Variants in MRPS24 observed in about 807,000 individuals in gnomAD.
The protein encoded by MRPS24 is mitochondrial ribosomal protein S24.
MRPS24 carries 15 observed loss-of-function variants against 21.8 expected under a neutral mutation model. The ratio of observed to expected loss-of-function variants is 0.69; its 90% CI spans 0.46 to 1.06. The LOEUF is 1.06. MRPS24 is among the 50% of genes least tolerant of loss of function. The pLI is 0.00. For synonymous variants in MRPS24, 93 were observed against 93.7 expected, an observed-to-expected ratio of 0.99 and a Z score of 0.04; for missense variants, 224 against 219.1, an observed-to-expected ratio of 1.02 and a Z score of -0.14.
In MRPS24 at chr7:43,869,516, G is replaced by A; in HGVS notation, c.-21C>T. 3.8e-6 allele frequency: 6 copies of A among 1,559,546 alleles called. No individual in the cohort carries two copies. The highest frequency in any genetic ancestry group is 5.2e-6 in the Non-Finnish European group (6 of 1,155,142). On this transcript the variant is annotated 5_prime_UTR_variant, in exon 1 of 4. Transcript: ENST00000317534. The surrounding 1 kb of genome is among the most constrained non-coding windows in gnomAD (Gnocchi z 4.8). The stretch of plus-strand genomic sequence containing the variant: ...GCCATCTTGGGCCAAGCGGAGCGCG[G>A]GACGTACCACAGCGCGCTGAGGGGT...
rs746979406 is a variant in MRPS24, at chr7:43,869,398, G to A, written c.40-22C>T. ...GCACCTGTGGAGGGAGGGCGCGTGA[G>A]GCGGAAACTAGGGACCCCACCTCCG... On this transcript the variant is annotated intron_variant, in intron 1 of 3. Transcript: ENST00000317534. This position sits in a 1 kb window ranked among gnomAD's most constrained non-coding sequence, Gnocchi z 4.8. 7 of 1,550,214 alleles carry A rather than the reference G, an allele frequency of 4.5e-6. No homozygotes were observed. Among genetic ancestry groups the A allele is most frequent in the Non-Finnish European group, 2.6e-6 (3 of 1,147,054 alleles).
At position 43,866,639 on chromosome 7, in the gene MRPS24, T is replaced by C; in HGVS notation, c.*60A>G. 6 of 1,575,736 alleles carry C rather than the reference T, an allele frequency of 3.8e-6. No homozygotes were observed. The highest frequency in any genetic ancestry group is 5.2e-6 in the Non-Finnish European group (6 of 1,154,200). On this transcript the variant is annotated 3_prime_UTR_variant, in exon 4 of 4. Coordinates refer to ENST00000317534, the MANE Select transcript of MRPS24 (RefSeq NM_032014.3). Reference sequence around the variant, plus strand: ...GGGGATGCATTTCCCCCACATACCATTCCTTTCCCACGTTTCCATTCTCTG... The same window carrying C: ...GGGGATGCATTTCCCCCACATACCACTCCTTTCCCACGTTTCCATTCTCTG...
In MRPS24 at chr7:43,866,678, G is replaced by C. The variant is rs1261193423; in HGVS notation, c.*21C>G. 3 of 1,609,980 alleles carry C rather than the reference G, an allele frequency of 1.9e-6. No individual in the cohort carries two copies. In the East Asian group the frequency reaches 6.7e-5, roughly 36 times the overall value. On this transcript the variant is annotated 3_prime_UTR_variant, in exon 4 of 4. Coordinates refer to ENST00000317534, the MANE Select transcript of MRPS24 (RefSeq NM_032014.3). ...TTCCATTCTCTGCAGGCTACAGCTT[G>C]ATGGAAAAAAGGGGATTGTTCTAGA...
In MRPS24 at chr7:43,868,737, G is replaced by A. The variant is rs1347932905; in HGVS notation, c.220+226C>T. On this transcript the variant is annotated intron_variant, in intron 3 of 3. Transcript: ENST00000317534. ...TTCTGTTCAGTGGAGGATCAATTGA[G>A]TCCCTGCCTGCCATGGAAAAAGTCA... The A allele has an allele frequency of 1.2e-5, 6 of 508,682 alleles. No individual in the cohort carries two copies. In the East Asian group the frequency reaches 1.7e-4, roughly 14 times the overall value. The allele number at this position is 508,682 out of a possible 1,614,324, so 31.5% of individuals were successfully genotyped here. A position where few individuals can be genotyped will look rare whatever the true frequency, so the allele number is the denominator to read the frequency against.
chr7:43,866,854 A>G lies in MRPS24; in HGVS notation c.349T>C (p.Leu117=), dbSNP rs1359395393. The change falls in exon 4 of 4, where the codon TTG becomes CTG. Residue 117 remains leucine (L), a synonymous_variant. Transcript: ENST00000317534. ...CTCAGGACCACGGCACAGATCTCCA[A>G]CTGGTTACCCCGGCGCTTTAAAACC... ...QLVLKRRGNQ[L]EICAVVLRQL... is the part of the protein sequence containing the mutation. 6.2e-7 allele frequency: 1 copy of G among 1,614,244 alleles called. No homozygotes were observed. Among genetic ancestry groups the G allele is most frequent in the African/African-American group, 1.3e-5 (1 of 75,062 alleles).
rs2095836542 is a variant in MRPS24, at chr7:43,866,660, C to T, written c.*39G>A. The T allele has an allele frequency of 1.9e-6, 3 of 1,600,198 alleles. No homozygotes were observed. The highest frequency in any genetic ancestry group is 2.6e-6 in the Non-Finnish European group (3 of 1,170,002). ...ACCATTCCTTTCCCACGTTTCCATTCTCTGCAGGCTACAGCTTGATGGAAA... is the reference window on the plus strand; with the variant it reads ...ACCATTCCTTTCCCACGTTTCCATTTTCTGCAGGCTACAGCTTGATGGAAA... On this transcript the variant is annotated 3_prime_UTR_variant, in exon 4 of 4. Coordinates refer to ENST00000317534, the MANE Select transcript of MRPS24 (RefSeq NM_032014.3).
In MRPS24 at chr7:43,866,784, T is replaced by A. The variant is rs536686794; in HGVS notation, c.419A>T (p.Glu140Val). 178 of 1,614,234 alleles carry A rather than the reference T, an allele frequency of 1.1e-4. 1 individual carries two copies. In the South Asian group the frequency reaches 1.9e-3, roughly 17 times the overall value. ...HKYYFLVGYS[E>V]TLLSYFYKCP... ...TTTGTAAAAGTAGGACAGCAAAGTT[T>A]CACTGTAGCCCACGAGGAAGTAGTA... Residue 140 changes from glutamate to valine, a missense_variant, in exon 4 of 4, where the codon GAA becomes GTA. Physicochemically the swap from Glu to Val is moderately radical, Grantham distance 121. Coordinates refer to ENST00000317534, the MANE Select transcript of MRPS24 (RefSeq NM_032014.3).
Position 43,869,092 on chromosome 7 carries a change from C to G in MRPS24, c.109-18G>C. 6.2e-7 allele frequency: 1 copy of G among 1,606,970 alleles called. No individual in the cohort carries two copies. The highest frequency in any genetic ancestry group is 8.5e-7 in the Non-Finnish European group (1 of 1,178,884). ...GCCCGGTTCTAGGAGCAAAAGGGGCCGTGACTCCACGAGATCCCCGATCCA... is the reference window on the plus strand; with the variant it reads ...GCCCGGTTCTAGGAGCAAAAGGGGCGGTGACTCCACGAGATCCCCGATCCA... On this transcript the variant is annotated intron_variant, in intron 2 of 3. Transcript: ENST00000317534. The surrounding 1 kb of genome is among the most constrained non-coding windows in gnomAD (Gnocchi z 4.8).
Position 43,869,479 on chromosome 7 carries a change from C to A in MRPS24, c.17G>T (p.Cys6Phe). Residue 6 changes from cysteine to phenylalanine, a missense_variant, in exon 1 of 4, where the codon TGC (cysteine) becomes TTC (phenylalanine). Coordinates refer to ENST00000317534, the MANE Select transcript of MRPS24 (RefSeq NM_032014.3). The surrounding 1 kb of genome is among the most constrained non-coding windows in gnomAD (Gnocchi z 4.8). ...CACCCGTGGCCCCAGCAACCCGCTG[C>A]ACACGGAGGCCGCCATCTTGGGCCA... MAASV[C>F]SGLLGPRVLS... The A allele has an allele frequency of 6.4e-7, 1 of 1,569,888 alleles. No individual in the cohort carries two copies. The highest frequency in any genetic ancestry group is 8.6e-7 in the Non-Finnish European group (1 of 1,158,962).
chr7:43,868,278 C>T (rs2095837959), intron 3 of MRPS24: 1 of 151,912 alleles, frequency 6.6e-6, no homozygotes, highest in African/African-American at 2.4e-5. Context: ...TAACAAAAAG[C>T]ACGAAAATGC....
chr7:43,867,063 G>A, intron 3 of MRPS24, 81 bp from the exon 4 acceptor site: 2 of 1,466,600 alleles, frequency 1.4e-6, no homozygotes, highest in Non-Finnish European at 9.3e-7. Flanking sequence ...ACATCCAAAA[G>A]CGCTGAGCAC....
rs9154 is a variant in MRPS24 at position 43,866,945 on chromosome 7, C to T, written c.258G>A (p.Thr86=). 8.5e-3 allele frequency: 13,786 copies of T among 1,614,084 alleles called. 1,072 individuals are homozygous for T. The African/African-American group carries it at 0.16, about 19-fold the overall frequency. The change falls in exon 4 of 4, where the codon ACG becomes ACA. Residue 86 remains threonine, a synonymous_variant. Coordinates refer to ENST00000317534, the MANE Select transcript of MRPS24 (RefSeq NM_032014.3). ...LDGEDHAAER[T]VEDVFLRKFM... is the part of the protein sequence containing the mutation. ...ACTTGCGAAGGAAAACATCCTCCAC[C>T]GTTCGCTCTGCGGCATGGTCCTCTC...
chr7:43,868,519 G>C (rs950267224), intron 3 of MRPS24: 2 of 153,754 alleles, frequency 1.3e-5, no homozygotes, highest in African/African-American at 4.8e-5. Flanking sequence ...AACGAGGGTT[G>C]TCTGTATATA....
Position 43,866,840 on chromosome 7 carries a change from G to A in MRPS24, c.363C>T (p.Ala121=), listed in dbSNP as rs191738193. The stretch of plus-strand genomic sequence containing the variant: ...GTGGAGACAACTGCCTCAGGACCAC[G>A]GCACAGATCTCCAACTGGTTACCCC... ...KRRGNQLEIC[A]VVLRQLSPHK... Residue 121 remains alanine, a synonymous_variant, in exon 4 of 4, where the codon GCC becomes GCT. Coordinates refer to ENST00000317534, the MANE Select transcript of MRPS24 (RefSeq NM_032014.3). The A allele has an allele frequency of 2.1e-4, 340 of 1,614,210 alleles. 1 individual carries two copies. Among genetic ancestry groups the A allele is most frequent in the Admixed American group, 3.2e-4 (19 of 60,028 alleles).
rs1015426453 is a variant in MRPS24 at position 43,869,472 on chromosome 7, C to A, written c.24G>T (p.Gly8=). ...CCCCACTCACCCGTGGCCCCAGCAA[C>A]CCGCTGCACACGGAGGCCGCCATCT... The part of the protein sequence containing the change: MAASVCS[G]LLGPRVLSWS... Residue 8 remains glycine (G), a synonymous_variant, in exon 1 of 4, where the codon GGG becomes GGT. Transcript: ENST00000317534. The surrounding 1 kb of genome is among the most constrained non-coding windows in gnomAD (Gnocchi z 4.8). 1.3e-5 allele frequency: 20 copies of A among 1,569,316 alleles called. No homozygotes were observed. The African/African-American group carries it at 2.6e-4, about 20-fold the overall frequency.
intron 3 of MRPS24, 35 bp downstream of exon 3, chr7:43,868,928 T>C: frequency 6.2e-7 from 1 of 1,606,440 alleles, no homozygotes; most frequent in Non-Finnish European, 8.5e-7. Context: ...ACAGTCGGAT[T>C]GAGTGCTCCT....
chr7:43,869,076 T>C lies in MRPS24; in HGVS notation c.109-2A>G. ...TACGCGTACTCGGGCCGCCCGGTTC[T>C]AGGAGCAAAAGGGGCCGTGACTCCA... is the stretch of plus-strand genomic sequence containing the variant. On this transcript the variant is annotated splice_acceptor_variant, in intron 2 of 3. Coordinates refer to ENST00000317534, the MANE Select transcript of MRPS24 (RefSeq NM_032014.3). LOFTEE classifies it high-confidence loss of function. The surrounding 1 kb of genome is among the most constrained non-coding windows in gnomAD (Gnocchi z 4.8). The C allele has an allele frequency of 6.2e-7, 1 of 1,611,474 alleles. No individual in the cohort carries two copies. The highest frequency in any genetic ancestry group is 8.5e-7 in the Non-Finnish European group (1 of 1,179,810).
At chr7:43,868,729 T>G in intron 3 of MRPS24, 1 of 496,200 alleles carries the variant, frequency 2.0e-6, no homozygotes, top group Non-Finnish European at 3.5e-6. Context: ...CAGTGGAGGA[T>G]CAATTGAGTC....
At position 43,869,291 on chromosome 7, in the gene MRPS24, G is replaced by C. The variant is rs948806160; in HGVS notation, c.108+17C>G. On this transcript the variant is annotated intron_variant, in intron 2 of 3. Transcript: ENST00000317534. This position sits in a 1 kb window ranked among gnomAD's most constrained non-coding sequence, Gnocchi z 4.8. The stretch of plus-strand genomic sequence containing the variant: ...CCGGCCCCCAGGCCCCCAGGCCCCT[G>C]CCCCGGCGGTGCTCACCTTGGCGCA... 6.0e-5 allele frequency: 90 copies of C among 1,499,180 alleles called. No individual in the cohort carries two copies. The highest frequency in any genetic ancestry group is 8.0e-5 in the Non-Finnish European group (90 of 1,125,776). The allele number at this position is 1,499,180 out of a possible 1,614,324, so 92.9% of individuals were successfully genotyped here.
Sources: gnomAD v4.1 joint callset for allele counts on GRCh38, gnomAD v4.1.1 for gene constraint, Gnocchi (gnomAD v3.1) non-coding constraint, MANE v1.5 for transcripts, NCBI Gene and HGNC (gene_info 2026-07-23, HGNC 2026-07-21) for gene names.